ENOX1: variants seen among roughly 807,000 people sequenced by gnomAD.
ENOX1 encodes ecto-NOX disulfide-thiol exchanger 1.
ENOX1 carries 42 observed loss-of-function variants against 82.5 expected under a neutral mutation model. The ratio of observed to expected loss-of-function variants is 0.51; its 90% CI spans 0.40 to 0.66. The LOEUF (loss-of-function observed/expected upper bound fraction) is 0.66. ENOX1 is among the 30% of genes least tolerant of loss of function. ENOX1 has a pLI of 0.00. For synonymous variants in ENOX1, 271 were observed against 282.2 expected, an observed-to-expected ratio of 0.96 and a Z score of 0.40; for missense variants, 608 against 811.6, an observed-to-expected ratio of 0.75 and a Z score of 3.05.
chr13:43,439,468 G>A (rs937355202), intron 3 of ENOX1, among the ~76,000 whole-genome samples: 1 of 152,078 alleles, frequency 6.6e-6, no homozygotes, highest in Non-Finnish European at 1.5e-5. Context: ...GCAAAGTGCT[G>A]GGATTACAGG....
rs756073022 is a variant in ENOX1, at chr13:43,582,998, CAGACAG to C, written c.-219+84475_-219+84480del. Among the ~76,000 whole-genome samples, 90 of 151,906 alleles carry C rather than the reference CAGACAG, an allele frequency of 5.9e-4. 2 individuals carry two copies. The East Asian group carries it at 0.013, about 21-fold the overall frequency. Reference sequence around the variant, plus strand: ...GGACACACATGCACAGACAGACAGACAGACAGACACACACACACGCACGCACACACA... The same window carrying C: ...GGACACACATGCACAGACAGACAGACACACACACACACGCACGCACACACA... On this transcript the variant is annotated intron_variant, in intron 2 of 16. Coordinates refer to ENST00000690772, the MANE Select transcript of ENOX1 (RefSeq NM_001347969.2).
At chr13:43,300,711 C>A (rs942205442) in intron 11 of ENOX1, among the ~76,000 whole-genome samples, 1 of 152,068 alleles carries the variant, frequency 6.6e-6, no homozygotes, top group African/African-American at 2.4e-5. Context: ...CCACTGACAG[C>A]GCTTGGAGTA....
chr13:43,414,713 C>T lies in ENOX1; in HGVS notation c.-74-1725G>A, dbSNP rs200068838. Among the ~76,000 whole-genome samples, 3 of 152,192 alleles carry T rather than the reference C, an allele frequency of 2.0e-5. No homozygotes were observed. The East Asian group carries it at 5.8e-4, about 29-fold the overall frequency. The stretch of plus-strand genomic sequence containing the variant: ...GTAGCAGAGCTGTTTCAGATCTTTG[C>T]AACGTCACTATTTGTCTTACTTATC... On this transcript the variant is annotated intron_variant, in intron 3 of 16. Transcript: ENST00000690772.
chr13:43,302,283 A>G (rs955341550), intron 11 of ENOX1, among the ~76,000 whole-genome samples: 1 of 152,210 alleles, frequency 6.6e-6, no homozygotes. Context: ...GTGATTAAAT[A>G]TTTTGTTGGT....
intron 2 of ENOX1, among the ~76,000 whole-genome samples, chr13:43,522,726 A>G (rs538439861): frequency 5.9e-5 from 9 of 152,236 alleles, no homozygotes; most frequent in African/African-American, 1.7e-4. Flanking sequence ...TGGTACCCAG[A>G]TTTGTGGATT....
chr13:43,501,860 G>T, intron 2 of ENOX1, among the ~76,000 whole-genome samples: 1 of 147,192 alleles, frequency 6.8e-6, no homozygotes, highest in African/African-American at 2.5e-5. Context: ...AACAAACCAG[G>T]CCAAAAGCTA....
intron 5 of ENOX1, among the ~76,000 whole-genome samples, chr13:43,377,133 A>C (rs2051695138): frequency 6.6e-6 from 1 of 152,210 alleles, no homozygotes; most frequent in Non-Finnish European, 1.5e-5. Flanking sequence ...TGACTAGGCT[A>C]TGAGGGAGGT....
At chr13:43,262,559 C>G (rs945233283) in intron 14 of ENOX1, among the ~76,000 whole-genome samples, 1 of 152,192 alleles carries the variant, frequency 6.6e-6, no homozygotes, top group African/African-American at 2.4e-5. Flanking sequence ...CAGGGTCTCG[C>G]TCTGTCACCT....
chr13:43,710,629 A>G (rs2087627067), intron 1 of ENOX1, among the ~76,000 whole-genome samples: 1 of 152,224 alleles, frequency 6.6e-6, no homozygotes, highest in South Asian at 2.1e-4. Flanking sequence ...TGAACATAAA[A>G]TGTGTCTATC....
intron 1 of ENOX1, among the ~76,000 whole-genome samples, chr13:43,702,865 A>C (rs902788772): frequency 7.1e-6 from 1 of 140,406 alleles, no homozygotes; most frequent in Non-Finnish European, 1.5e-5. Flanking sequence ...AGGCAGAAGT[A>C]TGGCTTGAAG....
chr13:43,686,041 A>G (rs2086059543), intron 1 of ENOX1, among the ~76,000 whole-genome samples: 2 of 152,196 alleles, frequency 1.3e-5, no homozygotes, highest in African/African-American at 4.8e-5. Context: ...TGCCACTGTC[A>G]TGATTGGAAT....
At chr13:43,469,102 TG>T (rs2057874399) in intron 3 of ENOX1, among the ~76,000 whole-genome samples, 1 of 152,162 alleles carries the variant, frequency 6.6e-6, no homozygotes, top group South Asian at 2.1e-4. Context: ...ATGTTAGTTG[TG>T]GGTTTTCCAT....
chr13:43,265,973 A>G (rs1442774365), intron 13 of ENOX1, among the ~76,000 whole-genome samples: 3 of 152,236 alleles, frequency 2.0e-5, no homozygotes, highest in East Asian at 1.9e-4. Flanking sequence ...TCTTTGGTAG[A>G]GAAAGAGTTT....
intron 1 of ENOX1, among the ~76,000 whole-genome samples, chr13:43,709,613 G>C (rs750481226): frequency 2.0e-5 from 3 of 151,510 alleles, no homozygotes; most frequent in Non-Finnish European, 4.4e-5. Flanking sequence ...ATGAGGAGGA[G>C]AGAAGGAGGG....
intron 2 of ENOX1, among the ~76,000 whole-genome samples, chr13:43,548,659 G>A (rs1322694764): frequency 6.6e-6 from 1 of 152,128 alleles, no homozygotes; most frequent in Non-Finnish European, 1.5e-5. Flanking sequence ...TGCCATCCCT[G>A]TGGTCTGCTA....
In ENOX1 at chr13:43,523,412, T is replaced by C. The variant is rs1017101454; in HGVS notation, c.-218-39260A>G. 4.6e-5 allele frequency among the ~76,000 whole-genome samples: 7 copies of C among 152,010 alleles called. No homozygotes were observed. The East Asian group carries it at 5.8e-4, about 13-fold the overall frequency. ...TGGAAAACTGCAGCAACTATAAAAA[T>C]AGAAAACAGAGAATAAGGGAAAGGA... On this transcript the variant is annotated intron_variant, in intron 2 of 16. Transcript: ENST00000690772.
intron 5 of ENOX1, among the ~76,000 whole-genome samples, chr13:43,381,685 G>A (rs2153575673): frequency 6.6e-6 from 1 of 151,870 alleles, no homozygotes; most frequent in African/African-American, 2.4e-5. Flanking sequence ...TTAGACATAA[G>A]GAATGTAACA....
At chr13:43,382,281 A>G (rs1404250825) in intron 5 of ENOX1, among the ~76,000 whole-genome samples, 1 of 152,220 alleles carries the variant, frequency 6.6e-6, no homozygotes, top group African/African-American at 2.4e-5. Flanking sequence ...CAATAGATGC[A>G]GAAAAAGCGT....
intron 2 of ENOX1, among the ~76,000 whole-genome samples, chr13:43,512,617 GGT>G (rs763494980): frequency 1.7e-5 from 2 of 120,280 alleles, no homozygotes; most frequent in South Asian, 2.6e-4. Flanking sequence ...AATGTGTGTG[GGT>G]TTTTTTTTTT....
Sources: gnomAD v4.1 joint callset for allele counts (sites outside exome capture counted in the v4.1 genomes callset) on GRCh38, gnomAD v4.1.1 for gene constraint, MANE v1.5 for transcripts, NCBI Gene and HGNC (gene_info 2026-07-23, HGNC 2026-07-21) for gene names.